The following YAF2 variants were observed in gnomAD, a reference collection of about 807,000 sequenced individuals.
The protein encoded by YAF2 is YY1-associated factor 2.
In YAF2, 7 loss-of-function variants were observed where a neutral mutation model predicts 20.1. The observed-to-expected ratio is 0.35, with a 90% confidence interval of 0.20 to 0.65. The LOEUF is 0.65. YAF2 is among the 30% of genes least tolerant of loss of function. The probability of loss-of-function intolerance (pLI) is 0.69; values close to 1 mark genes in which losing one functional copy is unlikely to be tolerated. For synonymous variants in YAF2, 74 were observed against 76.0 expected (o/e 0.97, Z 0.14); for missense variants, 151 against 219.2 (o/e 0.69, Z 1.96).
chr12:42,205,756 G>GT (rs1243793146), intron 2 of YAF2: 3 of 224,438 alleles, frequency 1.3e-5, no homozygotes, highest in Non-Finnish European at 2.8e-5. Flanking sequence ...TCTTTTTTTA[G>GT]TTTTTTAAAT....
chr12:42,221,383 C>T (rs954352915), intron 2 of YAF2, among the ~76,000 whole-genome samples: 1 of 152,032 alleles, frequency 6.6e-6, no homozygotes. Flanking sequence ...CCAGGCTGGA[C>T]AACATAGCAA....
intron 2 of YAF2, among the ~76,000 whole-genome samples, chr12:42,221,055 AG>A (rs2137301900): frequency 6.6e-6 from 1 of 152,342 alleles, no homozygotes; most frequent in South Asian, 2.1e-4. Flanking sequence ...TAGTAAATAT[AG>A]GAAAAAAGAC....
chr12:42,202,270 AT>A (rs918631806), intron 2 of YAF2, among the ~76,000 whole-genome samples: 1 of 152,088 alleles, frequency 6.6e-6, no homozygotes, highest in African/African-American at 2.4e-5. Context: ...AAGTGCCATA[AT>A]TTTTTTAACA....
intron 2 of YAF2, among the ~76,000 whole-genome samples, chr12:42,237,224 C>T (rs975996835): frequency 6.6e-6 from 1 of 152,174 alleles, no homozygotes; most frequent in Non-Finnish European, 1.5e-5. Flanking sequence ...ACATCCTTTG[C>T]TCCTAAAGAG....
intron 2 of YAF2, among the ~76,000 whole-genome samples, chr12:42,212,711 T>C (rs1221490346): frequency 1.3e-5 from 2 of 152,344 alleles, no homozygotes; most frequent in South Asian, 2.1e-4. Context: ...AACACACCTG[T>C]CAAGATTGTC....
At chr12:42,196,632 A>C (rs2066760161) in intron 2 of YAF2, among the ~76,000 whole-genome samples, 1 of 152,258 alleles carries the variant, frequency 6.6e-6, no homozygotes, top group African/African-American at 2.4e-5. Context: ...AAAACCCAAG[A>C]GGCAACAAGG....
At chr12:42,205,577 C>A (rs1262998074) in intron 2 of YAF2, among the ~76,000 whole-genome samples, 4 of 151,992 alleles carry the variant, frequency 2.6e-5, no homozygotes, top group Admixed American at 2.6e-4. Flanking sequence ...CTTTCACCAT[C>A]TTGGCCAGGC....
intron 2 of YAF2, among the ~76,000 whole-genome samples, chr12:42,221,585 T>C (rs1015625827): frequency 6.6e-6 from 1 of 152,162 alleles, no homozygotes; most frequent in Non-Finnish European, 1.5e-5. Context: ...TTTAAGTGAC[T>C]GGAAATTCAG....
intron 2 of YAF2, among the ~76,000 whole-genome samples, chr12:42,184,577 C>T (rs556506805): frequency 3.3e-5 from 5 of 152,146 alleles, no homozygotes; most frequent in South Asian, 2.1e-4. Flanking sequence ...CTCAAAGTGC[C>T]GGGATTACAG....
At chr12:42,228,326 C>A (rs2067836163) in intron 2 of YAF2, among the ~76,000 whole-genome samples, 2 of 73,652 alleles carry the variant, frequency 2.7e-5, no homozygotes, top group Non-Finnish European at 5.0e-5. Context: ...GCCCGGCCAG[C>A]CACCCCATCC....
rs144276403 is a variant in YAF2 at position 42,177,239 on chromosome 12, C to T, written c.153-15474G>A. On this transcript the variant is annotated intron_variant, in intron 2 of 3. Coordinates refer to ENST00000534854, the MANE Select transcript of YAF2 (RefSeq NM_005748.6). ...ATCTTCTATACTCTTCTATATGGCA[C>T]CCATTATTCCAGTGTCTTAGTCTGC... Among the ~76,000 whole-genome samples the T allele has an allele frequency of 6.2e-3, 937 of 152,212 alleles. 6 individuals are homozygous for T. The highest frequency in any genetic ancestry group is 9.6e-3 in the Non-Finnish European group (650 of 68,008).
At chr12:42,219,347 G>A (rs1362311550) in intron 2 of YAF2, among the ~76,000 whole-genome samples, 2 of 152,178 alleles carry the variant, frequency 1.3e-5, no homozygotes, top group Non-Finnish European at 2.9e-5. Flanking sequence ...CCTGAAGCCT[G>A]CTCTTTCACA....
intron 2 of YAF2, among the ~76,000 whole-genome samples, chr12:42,217,841 C>T (rs968758819): frequency 3.3e-5 from 5 of 151,992 alleles, no homozygotes; most frequent in African/African-American, 1.2e-4. Flanking sequence ...TCACTCTGAC[C>T]TAGAGACAAA....
chr12:42,178,371 T>G (rs2066252225), intron 2 of YAF2, among the ~76,000 whole-genome samples: 1 of 152,198 alleles, frequency 6.6e-6, no homozygotes, highest in South Asian at 2.1e-4. Flanking sequence ...GCTCCTATTG[T>G]GCAGTCAATG....
chr12:42,234,238 G>C, intron 2 of YAF2: 1 of 976,598 alleles, frequency 1.0e-6, no homozygotes, highest in Non-Finnish European at 1.2e-6. Context: ...AGAAAGAAAA[G>C]AAACTTCAGA....
intron 2 of YAF2, among the ~76,000 whole-genome samples, chr12:42,222,452 A>C (rs1451359573): frequency 6.6e-6 from 1 of 152,230 alleles, no homozygotes; most frequent in Non-Finnish European, 1.5e-5. Flanking sequence ...CTAGGCTCTA[A>C]CATTAATTAT....
chr12:42,193,662 C>T (rs1190164006), intron 2 of YAF2, among the ~76,000 whole-genome samples: 1 of 151,942 alleles, frequency 6.6e-6, no homozygotes, highest in Non-Finnish European at 1.5e-5. Flanking sequence ...GCATGAACAC[C>T]CAGCTAATTT....
At chr12:42,210,683 A>G (rs1254258480) in intron 2 of YAF2, 2 of 1,533,552 alleles carry the variant, frequency 1.3e-6, no homozygotes, top group African/African-American at 1.4e-5. Context: ...TTTCTTCTCT[A>G]TCAGAATAAG....
chr12:42,162,670 TA>T (rs1464031309), intron 2 of YAF2, among the ~76,000 whole-genome samples: 1 of 152,204 alleles, frequency 6.6e-6, no homozygotes, highest in Non-Finnish European at 1.5e-5. Context: ...GTACAGTTTT[TA>T]AAAAATCTTT....
Sources: gnomAD v4.1 joint callset for allele counts (sites outside exome capture counted in the v4.1 genomes callset) on GRCh38, gnomAD v4.1.1 for gene constraint, MANE v1.5 for transcripts, NCBI Gene and HGNC (gene_info 2026-07-23, HGNC 2026-07-21) for gene names.